The following ACBD5 variants were observed in gnomAD, a reference collection of about 807,000 sequenced individuals.
The protein encoded by ACBD5 is acyl-CoA-binding domain-containing protein 5.
Under a neutral mutation model 71.8 loss-of-function variants are expected in ACBD5, and 40 were observed. The ratio of observed to expected loss-of-function variants is 0.56; its 90% CI spans 0.43 to 0.72. The LOEUF (loss-of-function observed/expected upper bound fraction) is 0.72. Among genes scored for constraint, ACBD5 ranks in the 30% least tolerant of loss-of-function variants. ACBD5 has a pLI of 0.00. For missense variants in ACBD5, 559 were observed against 644.5 expected (o/e 0.87, Z 1.44); for synonymous variants, 229 against 218.6 (o/e 1.05, Z -0.42).
At chr10:27,209,407 C>T (rs1259527319) in intron 9 of ACBD5, among the ~76,000 whole-genome samples, 2 of 152,182 alleles carry the variant, frequency 1.3e-5, no homozygotes, top group Non-Finnish European at 2.9e-5. Flanking sequence ...ACTGCAACCT[C>T]CGCCTCCCAG....
chr10:27,235,296 G>C, intron 2 of ACBD5, 84 bp from the exon 3 acceptor site: 1 of 1,488,150 alleles, frequency 6.7e-7, no homozygotes, highest in Non-Finnish European at 9.3e-7. Flanking sequence ...TATACTAATA[G>C]TGATTTTATA....
Position 27,196,821 on chromosome 10 carries a change from A to C in ACBD5, c.*609T>G, listed in dbSNP as rs1343547704. The C allele has an allele frequency of 2.2e-6, 1 of 454,004 alleles. No individual in the cohort carries two copies. The allele number at this position is 454,004 out of a possible 1,614,324, so 28.1% of individuals were successfully genotyped here. ...GTAAAAACTCAGTCTGGTACATAGG[A>C]CTCCACTTTTTAATAATGATGCCTG... On this transcript the variant is annotated 3_prime_UTR_variant, in exon 13 of 13. Coordinates refer to ENST00000396271, the MANE Select transcript of ACBD5 (RefSeq NM_145698.5).
At chr10:27,231,940 C>G in intron 3 of ACBD5, 120 bp from the exon 4 acceptor site, 2 of 945,086 alleles carry the variant, frequency 2.1e-6, no homozygotes, top group African/African-American at 1.6e-5. Context: ...AAAGCCATAA[C>G]AGGATTGTCT....
intron 6 of ACBD5, among the ~76,000 whole-genome samples, chr10:27,218,454 C>T (rs1161483467): frequency 6.6e-6 from 1 of 152,140 alleles, no homozygotes; most frequent in African/African-American, 2.4e-5. Flanking sequence ...TCTTTTTACT[C>T]CCTTAGGCAT....
downstream of ACBD5, among the ~76,000 whole-genome samples, chr10:27,194,650 A>ATAATAATAAT (rs2136401632): frequency 6.7e-6 from 1 of 149,636 alleles, no homozygotes; most frequent in South Asian, 2.1e-4. Context: ...AATAATAATA[A>ATAATAATAAT]GATGGTTGAT....
chr10:27,210,747 G>A lies in ACBD5; in HGVS notation c.1204+67C>T, dbSNP rs531637946. On this transcript the variant is annotated intron_variant, in intron 9 of 12. Transcript: ENST00000396271. Reference sequence around the variant, plus strand: ...CACACCAGCCTGGGCGACAGAGCGCGAGACTCCATCTCAAAAATAAGTAAG... The same window carrying A: ...CACACCAGCCTGGGCGACAGAGCGCAAGACTCCATCTCAAAAATAAGTAAG... 69 of 1,607,494 alleles carry A rather than the reference G, an allele frequency of 4.3e-5. No individual in the cohort carries two copies. In the African/African-American group the frequency reaches 5.1e-4, roughly 12 times the overall value.
At chr10:27,204,339 T>G (rs933575050) in intron 12 of ACBD5, 101 bp downstream of exon 12, 1 of 791,004 alleles carries the variant, frequency 1.3e-6, no homozygotes, top group African/African-American at 1.7e-5. Context: ...TGACGATGTA[T>G]CTATAAAATG....
chr10:27,233,912 C>T (rs1309350466), intron 3 of ACBD5, among the ~76,000 whole-genome samples: 2 of 152,032 alleles, frequency 1.3e-5, no homozygotes, highest in African/African-American at 4.8e-5. Context: ...GGCGTGGTGG[C>T]GCATGCCTGT....
chr10:27,238,609 A>G (rs1318549801), intron 2 of ACBD5, among the ~76,000 whole-genome samples: 1 of 152,110 alleles, frequency 6.6e-6, no homozygotes, highest in African/African-American at 2.4e-5. Flanking sequence ...CCCTCCTCCA[A>G]TAGAATGTTT....
At position 27,240,009 on chromosome 10, in the gene ACBD5, A is replaced by T. The variant is rs768588094; in HGVS notation, c.181+310T>A. On this transcript the variant is annotated intron_variant, in intron 2 of 12. Transcript: ENST00000396271. This position sits in a 1 kb window ranked among gnomAD's most constrained non-coding sequence, Gnocchi z 4.1. ...GTGATCCATCCACCTCGGCCTCCCA[A>T]AGTGTTGGGATTACAGGCTTGAGCC... Among the ~76,000 whole-genome samples the T allele has an allele frequency of 6.6e-6, 1 of 152,086 alleles. No individual in the cohort carries two copies. Among genetic ancestry groups the T allele is most frequent in the Non-Finnish European group, 1.5e-5 (1 of 68,000 alleles).
chr10:27,236,700 C>A (rs2064747704), intron 2 of ACBD5, among the ~76,000 whole-genome samples: 1 of 151,838 alleles, frequency 6.6e-6, no homozygotes. Flanking sequence ...ACCAGCCTGG[C>A]CAACATGATG....
chr10:27,183,370 G>A (rs1013737642), intron 13 of ACBD5, among the ~76,000 whole-genome samples: 1 of 151,286 alleles, frequency 6.6e-6, no homozygotes, highest in Non-Finnish European at 1.5e-5. Flanking sequence ...TGCAACCTCC[G>A]CCTCCCAGGT....
chr10:27,194,452 C>T (rs540328963), downstream of ACBD5, among the ~76,000 whole-genome samples: 1 of 147,164 alleles, frequency 6.8e-6, no homozygotes, highest in Non-Finnish European at 1.5e-5. Flanking sequence ...CTCTACTAAA[C>T]GTACAAAAAA....
At chr10:27,205,108 C>G in intron 11 of ACBD5, 90 bp downstream of exon 11, 2 of 1,307,304 alleles carry the variant, frequency 1.5e-6, no homozygotes, top group Non-Finnish European at 2.1e-6. Context: ...GCCTGGGCAA[C>G]AGAGCGAGAC....
chr10:27,233,768 C>T (rs1015600586), intron 3 of ACBD5, among the ~76,000 whole-genome samples: 13 of 151,854 alleles, frequency 8.6e-5, no homozygotes, highest in South Asian at 2.1e-4. Context: ...GGGGCGGGAG[C>T]GGGGGGTGGC....
chr10:27,193,223 T>G (rs921553767), downstream of ACBD5: 1 of 145,604 alleles, frequency 6.9e-6, no homozygotes, highest in African/African-American at 2.6e-5. Context: ...TCACCTGAGT[T>G]TGAGACCAGC....
In ACBD5 at chr10:27,240,001, G is replaced by A. The variant is rs1199925035; in HGVS notation, c.181+318C>T. 6.6e-6 allele frequency among the ~76,000 whole-genome samples: 1 copy of A among 152,150 alleles called. No homozygotes were observed. Among genetic ancestry groups the A allele is most frequent in the Non-Finnish European group, 1.5e-5 (1 of 68,038 alleles). On this transcript the variant is annotated intron_variant, in intron 2 of 12. Coordinates refer to ENST00000396271, the MANE Select transcript of ACBD5 (RefSeq NM_145698.5). The surrounding 1 kb of genome is among the most constrained non-coding windows in gnomAD (Gnocchi z 4.1). ...GACCTCAGGTGATCCATCCACCTCGGCCTCCCAAAGTGTTGGGATTACAGG... is the reference window on the plus strand; with the variant it reads ...GACCTCAGGTGATCCATCCACCTCGACCTCCCAAAGTGTTGGGATTACAGG...
At position 27,240,320 on chromosome 10, in the gene ACBD5, A is replaced by G. The variant is rs1472013084; in HGVS notation, c.180T>C (p.Asn60=). The G allele has an allele frequency of 3.1e-6, 5 of 1,613,828 alleles. No homozygotes were observed. Among genetic ancestry groups the G allele is most frequent in the Non-Finnish European group, 4.2e-6 (5 of 1,179,986 alleles). ...AVKVIQSLPK[N]GSFQPTNEMM... ...ACAGCCGGGGCCCAGCGCACGTACC[A>G]TTCTTCGGCAAACTCTGGATCACCT... The change falls in exon 2 of 13, where the codon AAT becomes AAC. Residue 60 remains asparagine (N), a splice_region_variant and synonymous_variant. Coordinates refer to ENST00000396271, the MANE Select transcript of ACBD5 (RefSeq NM_145698.5). This position sits in a 1 kb window ranked among gnomAD's most constrained non-coding sequence, Gnocchi z 4.1.
intron 12 of ACBD5, among the ~76,000 whole-genome samples, chr10:27,204,091 G>C (rs1395925745): frequency 8.0e-6 from 1 of 124,338 alleles, no homozygotes; most frequent in East Asian, 2.6e-4. Flanking sequence ...TCATGCCTGT[G>C]AACAGCCACT....
Sources: gnomAD v4.1 joint callset for allele counts (sites outside exome capture counted in the v4.1 genomes callset) on GRCh38, gnomAD v4.1.1 for gene constraint, Gnocchi (gnomAD v3.1) non-coding constraint, MANE v1.5 for transcripts, NCBI Gene and HGNC (gene_info 2026-07-23, HGNC 2026-07-21) for gene names.